GATA3: variants seen among roughly 807,000 people sequenced by gnomAD.
The protein encoded by GATA3 is trans-acting T-cell-specific transcription factor GATA-3.
A neutral mutation model predicts 36.0 loss-of-function variants in GATA3; 6 were observed. That is an observed-to-expected ratio of 0.17 (90% confidence interval 0.09 to 0.33). The LOEUF (loss-of-function observed/expected upper bound fraction) is 0.33. GATA3 is among the 10% of genes least tolerant of loss of function. The pLI is 1.00. For missense variants in GATA3, 514 were observed against 610.1 expected (o/e 0.84, Z 1.66); for synonymous variants, 326 against 273.0 (o/e 1.19, Z -1.92).
intron 3 of GATA3, among the ~76,000 whole-genome samples, 185 bp downstream of exon 3, chr10:8,059,026 C>T (rs964722623): frequency 3.3e-5 from 5 of 152,202 alleles, no homozygotes; most frequent in Admixed American, 6.5e-5. Context: ...CACGCCTGGC[C>T]TCGGAAGCAG....
At chr10:8,050,189 G>A (rs746560791), upstream of GATA3, among the ~76,000 whole-genome samples, 84 of 152,376 alleles carry the variant, frequency 5.5e-4, no homozygotes, top group Middle Eastern at 3.4e-3. Flanking sequence ...GCCCCGGTGC[G>A]TACTGCGGCG....
intron 3 of GATA3, among the ~76,000 whole-genome samples, chr10:8,063,390 T>C (rs1043105992): frequency 8.5e-5 from 13 of 152,222 alleles, no homozygotes; most frequent in African/African-American, 3.1e-4. Flanking sequence ...CAGGGACATT[T>C]GCAGTTTGAT....
chr10:8,073,705 TAA>T (rs373223232), intron 5 of GATA3, 32 bp from the exon 6 acceptor site: 10,486 of 1,357,762 alleles, frequency 7.7e-3, no homozygotes, highest in Admixed American at 0.015. Flanking sequence ...AGCAAAAAAG[TAA>T]AAAAAAAAAA....
rs564168665 is a variant in GATA3 at position 8,067,916 on chromosome 10, C to T, written c.925-1557C>T. 4.6e-5 allele frequency among the ~76,000 whole-genome samples: 7 copies of T among 152,318 alleles called. No individual in the cohort carries two copies. In the South Asian group the frequency reaches 1.4e-3, roughly 32 times the overall value. On this transcript the variant is annotated intron_variant, in intron 4 of 5. Coordinates refer to ENST00000379328, the MANE Select transcript of GATA3 (RefSeq NM_001002295.2). ...CTTGTTCTGTGTTCTTATAACCATA[C>T]CAGAATTTTCTTCATCACAGACAGA...
chr10:8,052,668 A>C (rs1341046378), upstream of GATA3: 1 of 152,208 alleles, frequency 6.6e-6, no homozygotes, highest in Non-Finnish European at 1.5e-5. Flanking sequence ...CGGGCTTCTT[A>C]GCAAAAATGC....
At chr10:8,053,888 G>A (rs1396568488), upstream of GATA3, 1 of 152,360 alleles carries the variant, frequency 6.6e-6, no homozygotes, top group Non-Finnish European at 1.5e-5. The surrounding 1 kb of genome is among the most constrained non-coding windows in gnomAD (Gnocchi z 5.1). Flanking sequence ...GTTAGAGCCA[G>A]TCTCTTCCTC....
chr10:8,070,547 G>A (rs1346342071), intron 5 of GATA3, among the ~76,000 whole-genome samples: 1 of 151,848 alleles, frequency 6.6e-6, no homozygotes, highest in Admixed American at 6.6e-5. Context: ...AATTCTCTTG[G>A]CCAACCTGAC....
In GATA3 at chr10:8,073,070, G is replaced by A. The variant is rs576660790; in HGVS notation, c.1051-669G>A. Among the ~76,000 whole-genome samples the A allele has an allele frequency of 5.3e-5, 8 of 149,926 alleles. No homozygotes were observed. The East Asian group carries it at 1.2e-3, about 22-fold the overall frequency. ...TGAGGCAGGAGAATTGCTTGAACCC[G>A]GGAGGCAGAGGTTGCAGTGAGCCGA... On this transcript the variant is annotated intron_variant, in intron 5 of 5. Coordinates refer to ENST00000379328, the MANE Select transcript of GATA3 (RefSeq NM_001002295.2).
rs117340248 is a variant in GATA3, at chr10:8,072,673, A to G, written c.1051-1066A>G. On this transcript the variant is annotated intron_variant, in intron 5 of 5. Coordinates refer to ENST00000379328, the MANE Select transcript of GATA3 (RefSeq NM_001002295.2). ...CTGGTCTCTGTCTCTTTACTCTAGC[A>G]CATTCTTGGTCTTTCCTTTTCAAGA... Among the ~76,000 whole-genome samples the G allele has an allele frequency of 2.1e-4, 32 of 152,258 alleles. 1 individual carries two copies. In the East Asian group the frequency reaches 6.2e-3, roughly 29 times the overall value.
At chr10:8,047,952 A>C (rs1832412641) in intron 1 of GATA3, among the ~76,000 whole-genome samples, 1 of 152,106 alleles carries the variant, frequency 6.6e-6, no homozygotes, top group Admixed American at 6.5e-5. Context: ...GTCCAAAGGA[A>C]GACAAGAACG....
At chr10:8,049,498 A>C (rs1298006753), upstream of GATA3, among the ~76,000 whole-genome samples, 1 of 152,176 alleles carries the variant, frequency 6.6e-6, no homozygotes, top group Admixed American at 6.5e-5. Context: ...CCCGAGTGGC[A>C]GAGACAGAGA....
At chr10:8,071,500 T>C (rs1219591894) in intron 5 of GATA3, among the ~76,000 whole-genome samples, 1 of 152,224 alleles carries the variant, frequency 6.6e-6, no homozygotes, top group East Asian at 1.9e-4. Flanking sequence ...CATATATATA[T>C]ATTTCTGAAG....
intron 3 of GATA3, among the ~76,000 whole-genome samples, chr10:8,062,540 T>TG (rs1034515794): frequency 6.6e-6 from 1 of 152,124 alleles, no homozygotes; most frequent in African/African-American, 2.4e-5. Flanking sequence ...CTACTTGATC[T>TG]GGGGCTTTCC....
At chr10:8,051,961 C>T (rs1832505614), upstream of GATA3, among the ~76,000 whole-genome samples, 1 of 152,168 alleles carries the variant, frequency 6.6e-6, no homozygotes, top group Non-Finnish European at 1.5e-5. Flanking sequence ...TCCTCGGCAT[C>T]CCCCTCCCAT....
chr10:8,058,273 C>G, intron 2 of GATA3, 32 bp from the exon 3 acceptor site: 2 of 1,612,144 alleles, frequency 1.2e-6, no homozygotes, highest in Non-Finnish European at 1.7e-6. Context: ...CACCCTCCTT[C>G]TCTCTCCTGC....
upstream of GATA3, chr10:8,050,769 G>C (rs1832464742): frequency 3.2e-6 from 1 of 309,344 alleles, no homozygotes; most frequent in Non-Finnish European, 6.7e-6. Flanking sequence ...GATTTCGCGC[G>C]CGCTCTGCTT....
At chr10:8,047,626 G>A (rs1832407886) in intron 1 of GATA3, among the ~76,000 whole-genome samples, 1 of 152,232 alleles carries the variant, frequency 6.6e-6, no homozygotes, top group African/African-American at 2.4e-5. Context: ...GGTGGGTGCG[G>A]CAGCGGGCAA....
At chr10:8,063,921 C>T (rs1383247749) in intron 3 of GATA3, 72 bp from the exon 4 acceptor site, 1 of 1,606,844 alleles carries the variant, frequency 6.2e-7, no homozygotes, top group South Asian at 1.1e-5. Context: ...GTTTCTCCCC[C>T]AGTTCCAAAT....
intron 3 of GATA3, among the ~76,000 whole-genome samples, chr10:8,060,454 CAG>C (rs1224777430): frequency 1.3e-5 from 2 of 151,842 alleles, no homozygotes; most frequent in Non-Finnish European, 2.9e-5. Flanking sequence ...CAGCTTGACT[CAG>C]AAACACAGGC....
Sources: allele counts gnomAD v4.1 joint callset (sites outside exome capture counted in the v4.1 genomes callset), GRCh38; gene constraint gnomAD v4.1.1; non-coding constraint Gnocchi (gnomAD v3.1); transcripts MANE v1.5; gene names NCBI Gene and HGNC (gene_info 2026-07-23, HGNC 2026-07-21).